PAPPA: variants seen among roughly 807,000 people sequenced by gnomAD.
The protein encoded by PAPPA is pappalysin 1, also known as pappalysin-1.
A neutral mutation model predicts 164.0 loss-of-function variants in PAPPA; 60 were observed. The observed-to-expected ratio is 0.37, with a 90% CI of 0.30 to 0.45. The LOEUF is 0.45. PAPPA is among the 20% of genes least tolerant of loss of function. The pLI, the probability that PAPPA is intolerant of heterozygous loss-of-function variation, is 1.00. For synonymous variants in PAPPA, 875 were observed against 814.1 expected (o/e 1.07, Z -1.27); for missense variants, 1,782 against 2,087.3 (o/e 0.85, Z 2.85).
In PAPPA at chr9:116,398,419, G is replaced by T; in HGVS notation, c.*1803G>T. Reference sequence around the variant, plus strand: ...CATAGGGATAGAAAATACCATGCACGTGTGCAGCCCCACCTAATTCCTGCA... The same window carrying T: ...CATAGGGATAGAAAATACCATGCACTTGTGCAGCCCCACCTAATTCCTGCA... On this transcript the variant is annotated 3_prime_UTR_variant, in exon 22 of 22. Coordinates refer to ENST00000328252, the MANE Select transcript of PAPPA (RefSeq NM_002581.5). 1.3e-5 allele frequency: 5 copies of T among 384,394 alleles called. No individual in the cohort carries two copies. The highest frequency in any genetic ancestry group is 2.4e-5 in the Non-Finnish European group (5 of 211,994). The allele number at this position is 384,394 out of a possible 1,614,324, so 23.8% of individuals were successfully genotyped here. A position where few individuals can be genotyped will look rare whatever the true frequency, so the allele number is the denominator to read the frequency against.
At chr9:116,288,531 G>A (rs1274466591) in intron 9 of PAPPA, 1 of 145,132 alleles carries the variant, frequency 6.9e-6, no homozygotes, top group Non-Finnish European at 1.5e-5. Flanking sequence ...ACTGAGAGAT[G>A]AGAAAGACAT....
rs6548 is a variant in PAPPA, at chr9:116,401,710, A to G, written c.*5094A>G. 42,195 of 150,974 alleles carry G rather than the reference A, an allele frequency of 0.28. 6,420 individuals are homozygous for G. Among genetic ancestry groups the G allele is most frequent in the Admixed American group, 0.42 (6,348 of 15,094 alleles). 9.4% of individuals were successfully genotyped at this position (150,974 alleles called of 1,614,324 possible). A position where few individuals can be genotyped will look rare whatever the true frequency, so the allele number is the denominator to read the frequency against. On this transcript the variant is annotated 3_prime_UTR_variant, in exon 22 of 22. Transcript: ENST00000328252. ...ATGTACCATATTATACCTTTTTATT[A>G]TTGTTATAATTATTATGGGTATTTC...
At chr9:116,377,685 AT>A in intron 20 of PAPPA, 38 bp downstream of exon 20, 1 of 1,411,236 alleles carries the variant, frequency 7.1e-7, no homozygotes, top group Non-Finnish European at 1.0e-6. Context: ...TTCCCTGGAA[AT>A]AATCCTGCTG....
At chr9:116,353,205 AAC>A (rs567580090) in intron 16 of PAPPA, among the ~76,000 whole-genome samples, 18 of 152,346 alleles carry the variant, frequency 1.2e-4, no homozygotes, top group African/African-American at 3.8e-4. Context: ...GTATGATAAT[AAC>A]AGTTACCACG....
At position 116,289,346 on chromosome 9, in the gene PAPPA, G is replaced by GCCATATATATGCCATATATATA. The variant is rs1564212401; in HGVS notation, c.2954-13411_2954-13410insCCATATATATGCCATATATATA. On this transcript the variant is annotated intron_variant, in intron 9 of 21. Coordinates refer to ENST00000328252, the MANE Select transcript of PAPPA (RefSeq NM_002581.5). ...TATGGCATATATATAGCATATATAT[G>GCCATATATATGCCATATATATA]GCATATATATGGCATATATATGGCA... Among the ~76,000 whole-genome samples, 166 of 104,690 alleles carry GCCATATATATGCCATATATATA rather than the reference G, an allele frequency of 1.6e-3. 1 individual carries two copies. Among genetic ancestry groups the GCCATATATATGCCATATATATA allele is most frequent in the Admixed American group, 2.7e-3 (28 of 10,260 alleles). The allele number at this position is 104,690 out of a possible 152,430, so 68.7% of individuals were successfully genotyped here.
At chr9:116,176,626 C>T (rs1211309018) in intron 1 of PAPPA, among the ~76,000 whole-genome samples, 1 of 152,018 alleles carries the variant, frequency 6.6e-6, no homozygotes, top group Non-Finnish European at 1.5e-5. Flanking sequence ...GATAAATATC[C>T]CTCTCTCCTG....
At chr9:116,329,615 A>G (rs960262353) in intron 10 of PAPPA, among the ~76,000 whole-genome samples, 5 of 152,132 alleles carry the variant, frequency 3.3e-5, no homozygotes, top group Non-Finnish European at 7.3e-5. Flanking sequence ...AATTCACATG[A>G]ATCGCTGGGC....
At position 116,400,841 on chromosome 9, in the gene PAPPA, C is replaced by T. The variant is rs1360906469; in HGVS notation, c.*4225C>T. ...GTACAGAAGTTAGAATTTTTGACTC[C>T]AGGCAGCAGTTTGCTCAGTGATCTT... is the stretch of plus-strand genomic sequence containing the variant. On this transcript the variant is annotated 3_prime_UTR_variant, in exon 22 of 22. Coordinates refer to ENST00000328252, the MANE Select transcript of PAPPA (RefSeq NM_002581.5). 6.6e-6 allele frequency: 1 copy of T among 152,584 alleles called. No homozygotes were observed. Among genetic ancestry groups the T allele is most frequent in the Admixed American group, 6.6e-5 (1 of 15,264 alleles). The allele number at this position is 152,584 out of a possible 1,614,324, so 9.5% of individuals were successfully genotyped here.
At chr9:116,278,654 G>GTT (rs144418063) in intron 9 of PAPPA, among the ~76,000 whole-genome samples, 42 of 148,780 alleles carry the variant, frequency 2.8e-4, no homozygotes, top group African/African-American at 9.4e-4. Flanking sequence ...TAGCCAAATC[G>GTT]TTTTTTTTTT....
Position 116,187,479 on chromosome 9 carries a change from C to T in PAPPA, c.741C>T (p.His247=), listed in dbSNP as rs997454550. ...TGTTAGGGGGCAGTGCCCTGAATCA[C>T]AACTACCGGGGCTACATCGAGCACT... is the stretch of plus-strand genomic sequence containing the variant. ...VLMLGGSALN[H]NYRGYIEHFS... Residue 247 remains histidine (H), a synonymous_variant, in exon 2 of 22, where the codon CAC becomes CAT. Coordinates refer to ENST00000328252, the MANE Select transcript of PAPPA (RefSeq NM_002581.5). This position sits in a 1 kb window ranked among gnomAD's most constrained non-coding sequence, Gnocchi z 4.2. The T allele has an allele frequency of 3.7e-6, 6 of 1,614,038 alleles. No homozygotes were observed. The highest frequency in any genetic ancestry group is 5.1e-6 in the Non-Finnish European group (6 of 1,180,036).
chr9:116,320,138 A>G (rs1267355711), intron 10 of PAPPA, among the ~76,000 whole-genome samples: 3 of 152,202 alleles, frequency 2.0e-5, no homozygotes, highest in Non-Finnish European at 4.4e-5. Flanking sequence ...CTGTAGGGCA[A>G]TACGTCTTAT....
chr9:116,265,136 T>C (rs1845051397), intron 7 of PAPPA, among the ~76,000 whole-genome samples: 1 of 152,222 alleles, frequency 6.6e-6, no homozygotes, highest in Non-Finnish European at 1.5e-5. Flanking sequence ...AGCATATGAT[T>C]GTAAGCAAGT....
At chr9:116,250,444 TTGCCATA>T (rs1404536873) in intron 7 of PAPPA, among the ~76,000 whole-genome samples, 6 of 152,214 alleles carry the variant, frequency 3.9e-5, no homozygotes, top group Non-Finnish European at 1.5e-5. Flanking sequence ...AGCCATTAAT[TTGCCATA>T]TGACTTGCGG....
intron 18 of PAPPA, among the ~76,000 whole-genome samples, chr9:116,366,040 G>T (rs886385810): frequency 3.9e-5 from 6 of 152,140 alleles, no homozygotes; most frequent in African/African-American, 1.4e-4. Context: ...ATATTTGGAA[G>T]GGGGGACTTT....
chr9:116,357,554 C>T (rs573964876), intron 17 of PAPPA, among the ~76,000 whole-genome samples: 20 of 152,172 alleles, frequency 1.3e-4, no homozygotes, highest in Non-Finnish European at 2.8e-4. Context: ...GACAAGAGAG[C>T]AGGTGATGTT....
chr9:116,353,539 G>C, intron 16 of PAPPA, 83 bp from the exon 17 acceptor site: 1 of 1,227,774 alleles, frequency 8.1e-7, no homozygotes. Context: ...AGGAAATGGG[G>C]GCCCAGCTGG....
chr9:116,204,110 G>C (rs974421218), intron 2 of PAPPA, among the ~76,000 whole-genome samples: 23 of 152,104 alleles, frequency 1.5e-4, no homozygotes, highest in African/African-American at 5.6e-4. Flanking sequence ...TTATGTGCTG[G>C]GACTGTGCTG....
intron 15 of PAPPA, among the ~76,000 whole-genome samples, chr9:116,351,428 C>A (rs1846281016): frequency 6.6e-6 from 1 of 152,194 alleles, no homozygotes; most frequent in African/African-American, 2.4e-5. Context: ...ATTGACAACA[C>A]TTTTATAGGC....
At chr9:116,193,244 G>A (rs372671370) in intron 2 of PAPPA, among the ~76,000 whole-genome samples, 1 of 152,072 alleles carries the variant, frequency 6.6e-6, no homozygotes, top group East Asian at 1.9e-4. Context: ...AAGGGGCTGC[G>A]ATAAGTCTTG....
Sources: gnomAD v4.1 joint callset for allele counts (sites outside exome capture counted in the v4.1 genomes callset) on GRCh38, gnomAD v4.1.1 for gene constraint, Gnocchi (gnomAD v3.1) non-coding constraint, MANE v1.5 for transcripts, NCBI Gene and HGNC (gene_info 2026-07-23, HGNC 2026-07-21) for gene names.